NOX4: variants seen among roughly 807,000 people sequenced by gnomAD.
The protein encoded by NOX4 is NADPH oxidase 4, also known as kidney oxidase-1.
NOX4 carries 69 observed loss-of-function variants against 87.6 expected under a neutral mutation model. That is an observed-to-expected ratio of 0.79 (90% CI 0.65 to 0.96). NOX4 has a LOEUF of 0.96. Ranked by LOEUF, NOX4 falls within the 40% of genes least tolerant of loss-of-function variation. The probability of loss-of-function intolerance (pLI) is 0.00; values close to 1 mark genes in which losing one functional copy is unlikely to be tolerated. For missense variants in NOX4, 680 were observed against 681.5 expected (o/e 1.00, Z 0.02); for synonymous variants, 275 against 238.2 (o/e 1.15, Z -1.42).
chr11:89,376,929 G>T (rs1259523786), intron 11 of NOX4, among the ~76,000 whole-genome samples: 2 of 152,040 alleles, frequency 1.3e-5, no homozygotes, highest in Non-Finnish European at 2.9e-5. Flanking sequence ...ATGATGGCAG[G>T]TGCCTGTAAT....
the NOX4 span, among the ~76,000 whole-genome samples, chr11:89,532,977 A>C: frequency 1.3e-5 from 2 of 152,150 alleles, no homozygotes; most frequent in Non-Finnish European, 2.9e-5. Flanking sequence ...GCCTCCCCAG[A>C]CATGCGGATC....
At chr11:89,432,069 G>A (rs1943820914) in intron 7 of NOX4, among the ~76,000 whole-genome samples, 1 of 152,052 alleles carries the variant, frequency 6.6e-6, no homozygotes, top group African/African-American at 2.4e-5. Flanking sequence ...GATGAAGCTG[G>A]AAACCAACAT....
intron 4 of NOX4, among the ~76,000 whole-genome samples, chr11:89,446,603 A>C (rs548531803): frequency 2.2e-4 from 34 of 152,176 alleles, no homozygotes; most frequent in Non-Finnish European, 3.2e-4. Flanking sequence ...TACTAAGTGA[A>C]AGAAGCCAAT....
At chr11:89,561,626 A>T in the NOX4 span, among the ~76,000 whole-genome samples, 54 of 152,318 alleles carry the variant, frequency 3.5e-4, no homozygotes, top group African/African-American at 1.2e-3. Flanking sequence ...CACATTTTAT[A>T]GGAATATTAT....
intron 7 of NOX4, among the ~76,000 whole-genome samples, chr11:89,427,805 A>T (rs1298005881): frequency 6.6e-6 from 1 of 152,222 alleles, no homozygotes; most frequent in Non-Finnish European, 1.5e-5. Flanking sequence ...GCAAGATATT[A>T]TCCAGGAGAA....
At chr11:89,572,547 GT>G in the NOX4 span, among the ~76,000 whole-genome samples, 1 of 151,446 alleles carries the variant, frequency 6.6e-6, no homozygotes, top group African/African-American at 2.4e-5. Context: ...TTGTTTGTTT[GT>G]TTTGTTTTTC....
At chr11:89,521,784 C>G in the NOX4 span, among the ~76,000 whole-genome samples, 4 of 151,886 alleles carry the variant, frequency 2.6e-5, no homozygotes, top group African/African-American at 9.7e-5. Context: ...ACTATGCATC[C>G]AACAAAAGTC....
At chr11:89,452,567 A>G (rs1945010502) in intron 2 of NOX4, among the ~76,000 whole-genome samples, 1 of 151,976 alleles carries the variant, frequency 6.6e-6, no homozygotes, top group African/African-American at 2.4e-5. Context: ...TTTTATTTTT[A>G]ATTGACAAAT....
chr11:89,353,492 T>C (rs142913737), intron 13 of NOX4, among the ~76,000 whole-genome samples: 7 of 152,312 alleles, frequency 4.6e-5, no homozygotes, highest in South Asian at 2.1e-4. Flanking sequence ...TTAAGGGATG[T>C]ACATAGTATT....
intron 8 of NOX4, among the ~76,000 whole-genome samples, 166 bp downstream of exon 8, chr11:89,421,736 A>G (rs544434141): frequency 6.6e-6 from 1 of 152,268 alleles, no homozygotes; most frequent in African/African-American, 2.4e-5. Context: ...CTATGCTAAA[A>G]ATAAAACTAT....
upstream of NOX4, among the ~76,000 whole-genome samples, chr11:89,494,386 C>A (rs1946924517): frequency 1.3e-5 from 2 of 152,270 alleles, no homozygotes; most frequent in South Asian, 4.1e-4. Flanking sequence ...ATGAAATGCA[C>A]TGGGGAAATA....
At chr11:89,372,604 C>A (rs530575792) in intron 12 of NOX4, among the ~76,000 whole-genome samples, 1 of 152,086 alleles carries the variant, frequency 6.6e-6, no homozygotes, top group African/African-American at 2.4e-5. Flanking sequence ...AGCTTCAGTT[C>A]AAATTCTGTC....
intron 17 of NOX4, among the ~76,000 whole-genome samples, chr11:89,329,978 T>C (rs1021795715): frequency 6.6e-6 from 1 of 152,080 alleles, no homozygotes; most frequent in Non-Finnish European, 1.5e-5. Flanking sequence ...TCAGTAAATA[T>C]AAAATATTTA....
chr11:89,415,953 G>T (rs1256757990), intron 8 of NOX4, among the ~76,000 whole-genome samples: 1 of 152,078 alleles, frequency 6.6e-6, no homozygotes, highest in African/African-American at 2.4e-5. Flanking sequence ...CCTACAGTGT[G>T]TATTATTTGA....
In NOX4 at chr11:89,482,568, C is replaced by A. The variant is rs201506164; in HGVS notation, c.153+7890G>T. 1.7e-4 allele frequency among the ~76,000 whole-genome samples: 26 copies of A among 152,140 alleles called. No individual in the cohort carries two copies. The East Asian group carries it at 5.0e-3, about 29-fold the overall frequency. On this transcript the variant is annotated intron_variant, in intron 2 of 17. Transcript: ENST00000263317. ...GAGAGAGGCCCTCAGAAGAAACCAA[C>A]CCTGCTGACACCTTCATCTTGGACT...
chr11:89,423,943 C>T (rs1943228389), intron 7 of NOX4, among the ~76,000 whole-genome samples: 1 of 151,890 alleles, frequency 6.6e-6, no homozygotes, highest in Middle Eastern at 3.4e-3. Context: ...GGTGTGTGTT[C>T]GTGATCCTAG....
chr11:89,383,618 G>A (rs950286668), intron 11 of NOX4, among the ~76,000 whole-genome samples: 3 of 152,102 alleles, frequency 2.0e-5, no homozygotes, highest in Admixed American at 1.3e-4. Context: ...CTCCATAACT[G>A]TTGTGGGTAT....
At chr11:89,377,244 C>T (rs900896223) in intron 11 of NOX4, among the ~76,000 whole-genome samples, 1 of 152,032 alleles carries the variant, frequency 6.6e-6, no homozygotes, top group Non-Finnish European at 1.5e-5. Flanking sequence ...TATCACAAGC[C>T]TTTGCTATGA....
chr11:89,461,235 C>G (rs1408598463), intron 2 of NOX4, among the ~76,000 whole-genome samples: 1 of 151,588 alleles, frequency 6.6e-6, no homozygotes, highest in African/African-American at 2.4e-5. Context: ...GTGCAGCACA[C>G]CAACATGGCA....
Sources: allele counts gnomAD v4.1 joint callset (sites outside exome capture counted in the v4.1 genomes callset), GRCh38; gene constraint gnomAD v4.1.1; transcripts MANE v1.5; gene names NCBI Gene and HGNC (gene_info 2026-07-23, HGNC 2026-07-21).